The following KLHL4 variants were observed in gnomAD, a reference collection of about 807,000 sequenced individuals.
KLHL4 encodes kelch like family member 4.
Under a neutral mutation model 45.8 loss-of-function variants are expected in KLHL4, and 17 were observed. The observed-to-expected ratio is 0.37, with a 90% confidence interval of 0.25 to 0.56. The LOEUF is 0.56. Ranked by LOEUF, KLHL4 falls within the 20% of genes least tolerant of loss-of-function variation. The pLI is 0.79. For missense variants in KLHL4, 544 were observed against 544.9 expected (o/e 1.00, Z 0.02); for synonymous variants, 224 against 189.9 (o/e 1.18, Z -1.47).
chrX:87,522,369 C>A (rs772216593), intron 1 of KLHL4, among the ~76,000 whole-genome samples: 11 of 111,512 alleles, frequency 9.9e-5, no homozygotes, highest in Non-Finnish European at 1.9e-4. Flanking sequence ...TAAGAAGTAC[C>A]TTTTGTTGAT....
intron 1 of KLHL4, among the ~76,000 whole-genome samples, chrX:87,546,138 G>A (rs781770312): frequency 1.1e-4 from 12 of 112,161 alleles, no homozygotes; most frequent in South Asian, 3.7e-4. Context: ...CATAACTAAT[G>A]AGGAGCCAAA....
chrX:87,628,033 G>A (rs1015740540), intron 6 of KLHL4, among the ~76,000 whole-genome samples: 2 of 111,347 alleles, frequency 1.8e-5, no homozygotes, highest in Admixed American at 9.6e-5. Flanking sequence ...GTAAATGAAG[G>A]CATGAGACAC....
rs1352975842 is a variant in KLHL4, at chrX:87,625,802, A to G, written c.1324+6A>G. ...AGGCATGGATGCTATGAAAGGTAAA[A>G]ATAACTTAGAGTGTCTTCATTCAAA... On this transcript the variant is annotated splice_donor_region_variant and intron_variant, in intron 6 of 10. Transcript: ENST00000373119. The G allele has an allele frequency of 8.5e-7, 1 of 1,175,308 alleles. No homozygotes were observed. The highest frequency in any genetic ancestry group is 3.0e-5 in the East Asian group (1 of 33,310).
intron 1 of KLHL4, among the ~76,000 whole-genome samples, chrX:87,568,057 C>T (rs1932250654): frequency 9.0e-6 from 1 of 110,994 alleles, no homozygotes; most frequent in Non-Finnish European, 1.9e-5. Context: ...AGAAATTATG[C>T]TAAGTTAAAT....
At chrX:87,614,337 C>A (rs1403844851) in intron 2 of KLHL4, 97 bp from the exon 3 acceptor site, 20 of 819,268 alleles carry the variant, frequency 2.4e-5, no homozygotes, top group Non-Finnish European at 3.2e-5. Context: ...ATGGAGAAAA[C>A]AGACTCACTA....
intron 1 of KLHL4, among the ~76,000 whole-genome samples, chrX:87,559,938 C>T (rs1284103516): frequency 9.0e-6 from 1 of 111,513 alleles, no homozygotes; most frequent in Non-Finnish European, 1.9e-5. Context: ...AAAACAATTT[C>T]TTACAAAAAC....
In KLHL4 at chrX:87,627,753, G is replaced by A. The variant is rs528551896; in HGVS notation, c.1324+1957G>A. 6.3e-5 allele frequency among the ~76,000 whole-genome samples: 7 copies of A among 111,848 alleles called. No individual in the cohort carries two copies. The South Asian group carries it at 2.6e-3, about 41-fold the overall frequency. ...CAAGAGAACTAATTTAAAAATGCAAGTACAGTTATCTTTCGTTTCTGACTC... is the reference window on the plus strand; with the variant it reads ...CAAGAGAACTAATTTAAAAATGCAAATACAGTTATCTTTCGTTTCTGACTC... On this transcript the variant is annotated intron_variant, in intron 6 of 10. Coordinates refer to ENST00000373119, the MANE Select transcript of KLHL4 (RefSeq NM_019117.5).
chrX:87,537,763 T>A (rs915386767), intron 1 of KLHL4, among the ~76,000 whole-genome samples: 1 of 111,314 alleles, frequency 9.0e-6, no homozygotes, highest in African/African-American at 3.2e-5. Context: ...TTCTTCTCAT[T>A]TGATAAAAAC....
At chrX:87,648,835 A>AT (rs1923719785) in intron 9 of KLHL4, among the ~76,000 whole-genome samples, 1 of 111,033 alleles carries the variant, frequency 9.0e-6, no homozygotes, top group East Asian at 2.8e-4. Context: ...GATGCAACTT[A>AT]TTTTTTTAAG....
chrX:87,593,252 A>ATCTTTC (rs1296420041), intron 1 of KLHL4, among the ~76,000 whole-genome samples: 3 of 111,364 alleles, frequency 2.7e-5, no homozygotes, highest in African/African-American at 9.8e-5. Flanking sequence ...GTGTCTAGTG[A>ATCTTTC]ATATTTCTTC....
intron 1 of KLHL4, among the ~76,000 whole-genome samples, chrX:87,585,487 A>AT (rs987736174): frequency 4.5e-5 from 5 of 111,360 alleles, no homozygotes; most frequent in Non-Finnish European, 5.7e-5. Flanking sequence ...GCTAAAACAG[A>AT]TTTTTTTTAT....
intron 1 of KLHL4, among the ~76,000 whole-genome samples, chrX:87,574,411 CAAT>C (rs1446214876): frequency 9.0e-6 from 1 of 111,230 alleles, no homozygotes; most frequent in African/African-American, 3.3e-5. Context: ...GGAAATGAAA[CAAT>C]GATAGCATCC....
At chrX:87,654,406 C>T (rs1923918216) in intron 9 of KLHL4, among the ~76,000 whole-genome samples, 2 of 109,314 alleles carry the variant, frequency 1.8e-5, no homozygotes, top group African/African-American at 3.5e-5. Flanking sequence ...ATTTGACTTC[C>T]TGTTTCTGAG....
At chrX:87,619,851 T>C (rs1462204815) in intron 4 of KLHL4, among the ~76,000 whole-genome samples, 1 of 111,936 alleles carries the variant, frequency 8.9e-6, no homozygotes, top group Non-Finnish European at 1.9e-5. Flanking sequence ...TATATAAAGG[T>C]CTTGCTATAA....
At chrX:87,611,453 C>A (rs979540215) in intron 1 of KLHL4, among the ~76,000 whole-genome samples, 1 of 110,146 alleles carries the variant, frequency 9.1e-6, no homozygotes, top group African/African-American at 3.3e-5. Context: ...GATGATGGCC[C>A]CATAAGATTA....
At chrX:87,574,580 C>T (rs1410062264) in intron 1 of KLHL4, among the ~76,000 whole-genome samples, 2 of 111,440 alleles carry the variant, frequency 1.8e-5, no homozygotes, top group Non-Finnish European at 3.8e-5. Flanking sequence ...TAAGTTTGCA[C>T]ACTTAAAATC....
At chrX:87,608,056 C>T (rs1315560555) in intron 1 of KLHL4, among the ~76,000 whole-genome samples, 2 of 111,769 alleles carry the variant, frequency 1.8e-5, no homozygotes, top group Non-Finnish European at 3.8e-5. Flanking sequence ...ACCATCTTTA[C>T]CATTTAGGCA....
intron 3 of KLHL4, among the ~76,000 whole-genome samples, chrX:87,617,054 A>G (rs1922580602): frequency 8.9e-6 from 1 of 111,908 alleles, no homozygotes; most frequent in South Asian, 3.7e-4. Flanking sequence ...AACAATAAAA[A>G]GTAGGAATGT....
chrX:87,659,890 A>G (rs751735031), intron 9 of KLHL4, among the ~76,000 whole-genome samples: 1 of 110,923 alleles, frequency 9.0e-6, no homozygotes, highest in East Asian at 2.8e-4. Flanking sequence ...TCAGCTCAGT[A>G]TAAAGGCTTG....
Sources: allele counts gnomAD v4.1 joint callset (sites outside exome capture counted in the v4.1 genomes callset), GRCh38; gene constraint gnomAD v4.1.1; transcripts MANE v1.5; gene names NCBI Gene and HGNC (gene_info 2026-07-23, HGNC 2026-07-21).